Variants in AGBL4 observed in about 807,000 individuals in gnomAD.
AGBL4 encodes the protein cytosolic carboxypeptidase 6.
Under a neutral mutation model 66.4 loss-of-function variants are expected in AGBL4, and 58 were observed. The observed-to-expected ratio is 0.87, with a 90% confidence interval of 0.71 to 1.09. AGBL4 has a LOEUF of 1.09. AGBL4 is among the 50% of genes least tolerant of loss of function. The probability of loss-of-function intolerance (pLI) is 0.00; values close to 1 mark genes in which losing one functional copy is unlikely to be tolerated. For missense variants in AGBL4, 579 were observed against 631.0 expected, an observed-to-expected ratio of 0.92 and a Z score of 0.88; for synonymous variants, 234 against 222.9, an observed-to-expected ratio of 1.05 and a Z score of -0.44.
At chr1:49,566,136 T>C (rs1644197728) in intron 3 of AGBL4, among the ~76,000 whole-genome samples, 1 of 152,244 alleles carries the variant, frequency 6.6e-6, no homozygotes, top group South Asian at 2.1e-4. Flanking sequence ...TCTTGTGCCA[T>C]GGTTTTCAGC....
At chr1:49,993,546 AGACATCCCTGT>A (rs1660123156) in intron 1 of AGBL4, among the ~76,000 whole-genome samples, 1 of 152,122 alleles carries the variant, frequency 6.6e-6, no homozygotes, top group Non-Finnish European at 1.5e-5. Flanking sequence ...CACCCACAAT[AGACATCCCTGT>A]GACAGAATAT....
At chr1:49,462,722 A>T (rs1646541972) in intron 3 of AGBL4, among the ~76,000 whole-genome samples, 1 of 151,750 alleles carries the variant, frequency 6.6e-6, no homozygotes, top group African/African-American at 2.4e-5. Flanking sequence ...AGAGGAGGAC[A>T]TAATGTTACT....
At chr1:48,820,322 T>C (rs1435620149) in intron 6 of AGBL4, among the ~76,000 whole-genome samples, 1 of 152,158 alleles carries the variant, frequency 6.6e-6, no homozygotes, top group African/African-American at 2.4e-5. Flanking sequence ...CATCACTCCT[T>C]GTGATGGTTA....
intron 3 of AGBL4, among the ~76,000 whole-genome samples, chr1:49,264,277 A>C (rs1046842109): frequency 6.6e-6 from 1 of 152,124 alleles, no homozygotes; most frequent in Non-Finnish European, 1.5e-5. Context: ...ATGTTATTTT[A>C]TGTATATATG....
intron 4 of AGBL4, among the ~76,000 whole-genome samples, chr1:49,100,041 G>T (rs1361930541): frequency 2.6e-5 from 4 of 152,088 alleles, no homozygotes; most frequent in Non-Finnish European, 5.9e-5. Context: ...TACAACTTGA[G>T]GGAGCTTGCA....
intron 3 of AGBL4, among the ~76,000 whole-genome samples, chr1:49,666,184 G>A (rs2124508449): frequency 6.6e-6 from 1 of 151,862 alleles, no homozygotes; most frequent in African/African-American, 2.4e-5. Flanking sequence ...ATACCCCTCT[G>A]CTCTCTATGT....
chr1:48,716,770 T>C (rs1647058151), intron 6 of AGBL4, among the ~76,000 whole-genome samples: 2 of 152,170 alleles, frequency 1.3e-5, no homozygotes, highest in Non-Finnish European at 2.9e-5. Context: ...AAGGTACTGA[T>C]AGCAACTCTG....
At chr1:48,834,327 G>A (rs1646627069) in intron 6 of AGBL4, among the ~76,000 whole-genome samples, 1 of 152,094 alleles carries the variant, frequency 6.6e-6, no homozygotes, top group East Asian at 1.9e-4. Flanking sequence ...TAAGACTCTG[G>A]GGCTGATGGG....
intron 4 of AGBL4, among the ~76,000 whole-genome samples, chr1:49,195,734 C>T (rs922898675): frequency 2.0e-5 from 3 of 152,190 alleles, no homozygotes; most frequent in East Asian, 1.9e-4. Context: ...CAATTCTTTT[C>T]CTAAATAAGC....
At chr1:49,477,709 G>A (rs1299577771) in intron 3 of AGBL4, among the ~76,000 whole-genome samples, 2 of 151,856 alleles carry the variant, frequency 1.3e-5, no homozygotes. Flanking sequence ...CTTACCAAAT[G>A]AACTAAATAA....
intron 2 of AGBL4, among the ~76,000 whole-genome samples, chr1:49,742,121 G>T (rs891423931): frequency 2.0e-5 from 3 of 152,274 alleles, no homozygotes; most frequent in Admixed American, 6.5e-5. Context: ...ATCCCTGTTT[G>T]CAGATGACAT....
At chr1:48,617,967 G>C (rs1191008146) in intron 9 of AGBL4, among the ~76,000 whole-genome samples, 2 of 152,156 alleles carry the variant, frequency 1.3e-5, no homozygotes, top group African/African-American at 4.8e-5. Flanking sequence ...ATCAGTGGGT[G>C]TGCTCACCTC....
At chr1:48,580,419 C>T (rs1644722349) in intron 11 of AGBL4, among the ~76,000 whole-genome samples, 1 of 152,170 alleles carries the variant, frequency 6.6e-6, no homozygotes, top group African/African-American at 2.4e-5. Flanking sequence ...GCTGGGAAGC[C>T]AAGTCAGGGA....
At chr1:49,415,836 G>A (rs1055878653) in intron 3 of AGBL4, among the ~76,000 whole-genome samples, 16 of 152,036 alleles carry the variant, frequency 1.1e-4, no homozygotes, top group African/African-American at 3.6e-4. Context: ...GTAATTTGCT[G>A]AAAGTCAGAA....
chr1:49,844,668 T>C, intron 2 of AGBL4: 2 of 1,578,880 alleles, frequency 1.3e-6, no homozygotes, highest in South Asian at 1.2e-5. Flanking sequence ...TTAAGGGACA[T>C]TTCCAGTTTT....
At chr1:48,566,502 G>GT (rs1644477722) in intron 11 of AGBL4, among the ~76,000 whole-genome samples, 1 of 152,172 alleles carries the variant, frequency 6.6e-6, no homozygotes, top group African/African-American at 2.4e-5. Context: ...AAAGACTTTG[G>GT]GTCAAACCCA....
At chr1:49,049,917 A>G (rs1188637431) in intron 4 of AGBL4, among the ~76,000 whole-genome samples, 2 of 152,100 alleles carry the variant, frequency 1.3e-5, no homozygotes, top group African/African-American at 4.8e-5. Context: ...TAAGTACTTT[A>G]TAATGTATTT....
At chr1:49,013,766 C>G (rs529060249) in intron 5 of AGBL4, among the ~76,000 whole-genome samples, 1 of 152,144 alleles carries the variant, frequency 6.6e-6, no homozygotes, top group Non-Finnish European at 1.5e-5. Flanking sequence ...GGCACTTAAC[C>G]CTGCCACTTT....
At chr1:48,534,330 C>A (rs376635994) in intron 13 of AGBL4, 37 bp from the exon 14 acceptor site, 7 of 1,527,490 alleles carry the variant, frequency 4.6e-6, no homozygotes, top group Admixed American at 2.1e-5. Flanking sequence ...GAGAAGACAG[C>A]CCATATACAC....
Sources: allele counts gnomAD v4.1 joint callset (sites outside exome capture counted in the v4.1 genomes callset), GRCh38; gene constraint gnomAD v4.1.1; transcripts MANE v1.5; gene names NCBI Gene and HGNC (gene_info 2026-07-23, HGNC 2026-07-21).